The following ZNF804A variants were observed in gnomAD, a reference collection of about 807,000 sequenced individuals.
The protein encoded by ZNF804A is zinc finger protein 804A.
In ZNF804A, 2 loss-of-function variants were observed where a neutral mutation model predicts 16.5. The ratio of observed to expected loss-of-function variants is 0.12; its 90% CI spans 0.05 to 0.38. The LOEUF (loss-of-function observed/expected upper bound fraction) is 0.38. ZNF804A is among the 10% of genes least tolerant of loss of function. The pLI is 0.99. For synonymous variants in ZNF804A, 534 were observed against 489.6 expected (o/e 1.09, Z -1.20); for missense variants, 1,473 against 1,390.7 (o/e 1.06, Z -0.94).
intron 1 of ZNF804A, among the ~76,000 whole-genome samples, chr2:184,727,443 T>A (rs1362927214): frequency 6.6e-6 from 1 of 151,652 alleles, no homozygotes; most frequent in Non-Finnish European, 1.5e-5. Flanking sequence ...GGACTCCTAC[T>A]TCAAGTACTC....
intron 1 of ZNF804A, among the ~76,000 whole-genome samples, chr2:184,842,946 C>G (rs1695459268): frequency 6.6e-6 from 1 of 152,132 alleles, no homozygotes; most frequent in Non-Finnish European, 1.5e-5. Context: ...GTTACTGTTT[C>G]TACTAAGGGA....
chr2:184,826,736 A>G (rs1309336652), intron 1 of ZNF804A, among the ~76,000 whole-genome samples: 1 of 152,020 alleles, frequency 6.6e-6, no homozygotes, highest in African/African-American at 2.4e-5. Flanking sequence ...ATTCAGAGAA[A>G]CCTGTAAAAA....
chr2:184,805,833 G>A (rs975313458), intron 1 of ZNF804A, among the ~76,000 whole-genome samples: 2 of 151,898 alleles, frequency 1.3e-5, no homozygotes, highest in African/African-American at 4.8e-5. Context: ...TTGAGCCAAG[G>A]ACTTTGTCTT....
intron 1 of ZNF804A, among the ~76,000 whole-genome samples, chr2:184,661,361 T>C (rs1177341284): frequency 6.6e-6 from 1 of 152,316 alleles, no homozygotes; most frequent in East Asian, 1.9e-4. Flanking sequence ...ACAGCTCTTT[T>C]GCTCCTGCTG....
intron 1 of ZNF804A, among the ~76,000 whole-genome samples, chr2:184,720,897 A>G (rs956309267): frequency 2.6e-5 from 4 of 152,194 alleles, no homozygotes; most frequent in African/African-American, 9.6e-5. Context: ...AAAAACAGAT[A>G]CATAAAGCAA....
intron 1 of ZNF804A, among the ~76,000 whole-genome samples, chr2:184,772,829 C>T (rs1451634654): frequency 6.6e-6 from 1 of 151,042 alleles, no homozygotes; most frequent in East Asian, 2.0e-4. Flanking sequence ...TTGTAATAGA[C>T]ATCCTAGTGG....
At position 184,748,015 on chromosome 2, in the gene ZNF804A, A is replaced by C. The variant is rs187805909; in HGVS notation, c.112-118354A>C. Among the ~76,000 whole-genome samples the C allele has an allele frequency of 3.2e-3, 483 of 150,498 alleles. 5 individuals are homozygous for C. Among genetic ancestry groups the C allele is most frequent in the African/African-American group, 0.011 (460 of 41,374 alleles). On this transcript the variant is annotated intron_variant, in intron 1 of 3. Transcript: ENST00000302277. ...ATGGCTCCATATGTATATGTAACAC[A>C]TTTTCTTTAGCCAGTCCACTATTGA...
chr2:184,845,853 T>A (rs1363589434), intron 1 of ZNF804A, among the ~76,000 whole-genome samples: 1 of 152,068 alleles, frequency 6.6e-6, no homozygotes, highest in East Asian at 1.9e-4. Context: ...TGGGCCACGG[T>A]CAGCCTATAG....
chr2:184,741,292 C>G (rs569434033), intron 1 of ZNF804A, among the ~76,000 whole-genome samples: 5 of 152,266 alleles, frequency 3.3e-5, no homozygotes, highest in African/African-American at 9.6e-5. Flanking sequence ...CACTGAAGCT[C>G]TCAGTTGTTC....
chr2:184,886,716 A>C (rs918406671), intron 2 of ZNF804A, among the ~76,000 whole-genome samples: 2 of 152,192 alleles, frequency 1.3e-5, no homozygotes, highest in African/African-American at 4.8e-5. Flanking sequence ...CACCCTCCAA[A>C]GCCACAGCCC....
At chr2:184,832,468 T>A (rs1396555520) in intron 1 of ZNF804A, among the ~76,000 whole-genome samples, 1 of 152,032 alleles carries the variant, frequency 6.6e-6, no homozygotes, top group Non-Finnish European at 1.5e-5. Flanking sequence ...TGAAATCGGT[T>A]AATTTGGACA....
intron 1 of ZNF804A, among the ~76,000 whole-genome samples, chr2:184,788,933 T>C (rs939898722): frequency 6.6e-6 from 1 of 152,072 alleles, no homozygotes; most frequent in Non-Finnish European, 1.5e-5. Flanking sequence ...AGAAATACTT[T>C]CATCTTTTCC....
At chr2:184,880,796 G>A (rs934364294) in intron 2 of ZNF804A, among the ~76,000 whole-genome samples, 1 of 152,058 alleles carries the variant, frequency 6.6e-6, no homozygotes, top group Non-Finnish European at 1.5e-5. Context: ...GGGCAAGACA[G>A]AGCAAGAGGG....
intron 2 of ZNF804A, among the ~76,000 whole-genome samples, chr2:184,902,755 ATGT>A (rs1217216820): frequency 2.0e-5 from 3 of 152,092 alleles, no homozygotes; most frequent in Admixed American, 2.0e-4. Context: ...CTTGTGACTG[ATGT>A]TGTTTCTATT....
chr2:184,765,993 A>C (rs1020750546), intron 1 of ZNF804A, among the ~76,000 whole-genome samples: 4 of 152,146 alleles, frequency 2.6e-5, no homozygotes, highest in African/African-American at 9.7e-5. Flanking sequence ...TGGTTAGAGC[A>C]GGAGAAATAA....
At chr2:184,766,572 G>A (rs972321640) in intron 1 of ZNF804A, among the ~76,000 whole-genome samples, 1 of 149,754 alleles carries the variant, frequency 6.7e-6, no homozygotes, top group Admixed American at 6.7e-5. Context: ...TGTTCTGTCT[G>A]TATCTTTACT....
At position 184,937,329 on chromosome 2, in the gene ZNF804A, G is replaced by A; in HGVS notation, c.1933G>A (p.Ala645Thr). The change falls in exon 4 of 4, where the codon GCT (alanine) becomes ACT (threonine). Residue 645 changes from alanine to threonine, a missense_variant. Coordinates refer to ENST00000302277, the MANE Select transcript of ZNF804A (RefSeq NM_194250.2). ...LEPISEKQYL[A>T]AEQLLDSHQL... Reference sequence around the variant, plus strand: ...ACCAATTTCAGAAAAGCAGTATTTAGCTGCAGAGCAATTATTAGACTCACA... The same window carrying A: ...ACCAATTTCAGAAAAGCAGTATTTAACTGCAGAGCAATTATTAGACTCACA... 9 of 1,613,860 alleles carry A rather than the reference G, an allele frequency of 5.6e-6. No individual in the cohort carries two copies. The highest frequency in any genetic ancestry group is 7.6e-6 in the Non-Finnish European group (9 of 1,179,892).
intron 2 of ZNF804A, among the ~76,000 whole-genome samples, chr2:184,924,696 A>T (rs948286290): frequency 6.6e-6 from 1 of 151,432 alleles, no homozygotes; most frequent in Non-Finnish European, 1.5e-5. Flanking sequence ...CTTTCCTCTT[A>T]GTAGTGCTTT....
intron 1 of ZNF804A, among the ~76,000 whole-genome samples, chr2:184,768,578 G>C (rs974780628): frequency 6.6e-6 from 1 of 151,938 alleles, no homozygotes; most frequent in Non-Finnish European, 1.5e-5. Context: ...TGTTTCAGTA[G>C]GTTTAAAGTG....
Sources: allele counts gnomAD v4.1 joint callset (sites outside exome capture counted in the v4.1 genomes callset), GRCh38; gene constraint gnomAD v4.1.1; transcripts MANE v1.5; gene names NCBI Gene and HGNC (gene_info 2026-07-23, HGNC 2026-07-21).